ERC1: variants seen among roughly 807,000 people sequenced by gnomAD.
The protein encoded by ERC1 is ELKS/RAB6-interacting/CAST family member 1.
In ERC1, 56 loss-of-function variants were observed where a neutral mutation model predicts 132.0. That is an observed-to-expected ratio of 0.42 (90% confidence interval 0.34 to 0.53). The LOEUF (loss-of-function observed/expected upper bound fraction) is 0.53, where lower values mean the gene tolerates loss of function less well. Among genes scored for constraint, ERC1 ranks in the 20% least tolerant of loss-of-function variants. The pLI is 0.03. For synonymous variants in ERC1, 478 were observed against 476.1 expected, an observed-to-expected ratio of 1.00 and a Z score of -0.05; for missense variants, 1,202 against 1,349.9, an observed-to-expected ratio of 0.89 and a Z score of 1.72.
intron 16 of ERC1, among the ~76,000 whole-genome samples, chr12:1,388,486 A>C (rs1196196088): frequency 6.6e-6 from 1 of 152,108 alleles, no homozygotes; most frequent in Non-Finnish European, 1.5e-5. Context: ...CTTATTACCA[A>C]GTCTGCACTA....
intron 7 of ERC1, among the ~76,000 whole-genome samples, chr12:1,129,994 A>G (rs1350271858): frequency 2.0e-5 from 3 of 152,246 alleles, no homozygotes; most frequent in African/African-American, 7.2e-5. Context: ...AATTTCAGAG[A>G]AAGATCACAA....
intron 15 of ERC1, among the ~76,000 whole-genome samples, chr12:1,293,391 TGC>T (rs2079620859): frequency 7.9e-6 from 1 of 126,648 alleles, no homozygotes; most frequent in African/African-American, 3.0e-5. Flanking sequence ...AGGCGGAGCT[TGC>T]AGTGAGCTGA....
chr12:1,303,519 G>C (rs1303519733), intron 15 of ERC1, among the ~76,000 whole-genome samples: 1 of 151,206 alleles, frequency 6.6e-6, no homozygotes, highest in Non-Finnish European at 1.5e-5. Context: ...TGCACCTGTA[G>C]TCCCAGCTGC....
At chr12:1,482,667 G>C (rs912073019) in intron 18 of ERC1, among the ~76,000 whole-genome samples, 2 of 151,914 alleles carry the variant, frequency 1.3e-5, no homozygotes, top group Non-Finnish European at 2.9e-5. Flanking sequence ...GGCTGGTCTC[G>C]AACTCCTGAT....
At chr12:1,478,662 G>A (rs569700251) in intron 18 of ERC1, among the ~76,000 whole-genome samples, 191 of 152,184 alleles carry the variant, frequency 1.3e-3, no homozygotes, top group Non-Finnish European at 2.3e-3. Context: ...GCGTGGTGGC[G>A]AGCGCCTGTA....
At chr12:1,031,583 T>C (rs1968056171) in intron 2 of ERC1, among the ~76,000 whole-genome samples, 3 of 152,224 alleles carry the variant, frequency 2.0e-5, no homozygotes, top group Admixed American at 6.5e-5. Flanking sequence ...ATTTTATTCT[T>C]TCTCAGATAC....
At chr12:1,425,793 G>A (rs558637963) in intron 17 of ERC1, among the ~76,000 whole-genome samples, 14 of 152,204 alleles carry the variant, frequency 9.2e-5, no homozygotes, top group East Asian at 3.9e-4. Flanking sequence ...GTTTTTCTGC[G>A]TAACATGAAT....
At chr12:1,045,886 G>C (rs1428877165) in intron 2 of ERC1, among the ~76,000 whole-genome samples, 1 of 151,868 alleles carries the variant, frequency 6.6e-6, no homozygotes, top group African/African-American at 2.4e-5. Context: ...TTGAGAGAAG[G>C]GGTAGAGAAA....
intron 16 of ERC1, among the ~76,000 whole-genome samples, chr12:1,407,464 A>T (rs1427082281): frequency 6.6e-6 from 1 of 152,046 alleles, no homozygotes; most frequent in Non-Finnish European, 1.5e-5. Flanking sequence ...AGGCCAGAGG[A>T]TGGCTTGAGG....
intron 3 of ERC1, among the ~76,000 whole-genome samples, chr12:1,103,699 G>T (rs1472104604): frequency 1.3e-5 from 2 of 152,084 alleles, no homozygotes; most frequent in Non-Finnish European, 2.9e-5. Flanking sequence ...GATGGAGCAG[G>T]TTTGGGGGCA....
intron 13 of ERC1, among the ~76,000 whole-genome samples, chr12:1,238,155 TTCC>T (rs1373365578): frequency 1.5e-5 from 2 of 137,898 alleles, no homozygotes; most frequent in Non-Finnish European, 3.1e-5. Flanking sequence ...CTTTCTGTTC[TTCC>T]TCCTTTTTTT....
intron 1 of ERC1, among the ~76,000 whole-genome samples, chr12:1,022,098 C>T (rs965852818): frequency 3.3e-5 from 5 of 152,100 alleles, no homozygotes; most frequent in Non-Finnish European, 7.4e-5. Flanking sequence ...CTCTATTCTC[C>T]TATAGATAGG....
intron 14 of ERC1, among the ~76,000 whole-genome samples, chr12:1,268,057 A>T (rs1178250026): frequency 1.3e-5 from 2 of 152,222 alleles, no homozygotes; most frequent in Non-Finnish European, 2.9e-5. Context: ...TTTATGCAAC[A>T]GTTATCACCA....
chr12:1,337,314 CT>C (rs112582528), intron 15 of ERC1, among the ~76,000 whole-genome samples: 1,449 of 142,116 alleles, frequency 0.01, 10 homozygotes, highest in African/African-American at 0.028. Context: ...TCTTCTTTTT[CT>C]TTTTTTTTTT....
chr12:1,025,444 T>G lies in ERC1; in HGVS notation c.-156-2304T>G, dbSNP rs146197854. On this transcript the variant is annotated intron_variant, in intron 1 of 18. Coordinates refer to ENST00000360905, the MANE Select transcript of ERC1 (RefSeq NM_178040.4). ...ATCTTTTAATTTTATTTACAGCATT[T>G]TTTGGTATAATACTTTGTCATTTTG... Among the ~76,000 whole-genome samples the G allele has an allele frequency of 1.7e-3, 266 of 152,328 alleles. 2 individuals carry two copies. Among genetic ancestry groups the G allele is most frequent in the South Asian group, 1.7e-3 (8 of 4,834 alleles).
At chr12:1,227,574 G>A (rs962711195) in intron 12 of ERC1, among the ~76,000 whole-genome samples, 1 of 152,144 alleles carries the variant, frequency 6.6e-6, no homozygotes, top group African/African-American at 2.4e-5. Context: ...AGATAGGTTT[G>A]CAAGCATTTT....
chr12:1,250,154 C>T (rs1361240005), intron 13 of ERC1, among the ~76,000 whole-genome samples: 1 of 152,194 alleles, frequency 6.6e-6, no homozygotes, highest in Non-Finnish European at 1.5e-5. Flanking sequence ...CTCTGTTTTA[C>T]ACAAGCTGAC....
In ERC1 at chr12:1,493,546, A is replaced by C. The variant is rs202225801; in HGVS notation, c.*3316A>C. ...AGACTCCATTTAAAAAAAAAAAAAAAAAATATATATATATATATATATATA... is the reference window on the plus strand; with the variant it reads ...AGACTCCATTTAAAAAAAAAAAAAACAAATATATATATATATATATATATA... On this transcript the variant is annotated 3_prime_UTR_variant, in exon 19 of 19. Transcript: ENST00000360905. 4.2e-5 allele frequency: 1 copy of C among 24,062 alleles called. No homozygotes were observed. The highest frequency in any genetic ancestry group is 8.1e-5 in the Non-Finnish European group (1 of 12,388). The allele number at this position is 24,062 out of a possible 1,614,324, so 1.5% of individuals were successfully genotyped here. A position where few individuals can be genotyped will look rare whatever the true frequency, so the allele number is the denominator to read the frequency against.
At chr12:1,165,652 A>G (rs1033473894) in intron 8 of ERC1, among the ~76,000 whole-genome samples, 11 of 152,194 alleles carry the variant, frequency 7.2e-5, no homozygotes, top group African/African-American at 2.7e-4. Context: ...AAGAACATTA[A>G]GAAGAAATAA....
Sources: allele counts gnomAD v4.1 joint callset (sites outside exome capture counted in the v4.1 genomes callset), GRCh38; gene constraint gnomAD v4.1.1; transcripts MANE v1.5; gene names NCBI Gene and HGNC (gene_info 2026-07-23, HGNC 2026-07-21).